BACH2: variants seen among roughly 807,000 people sequenced by gnomAD.
The protein encoded by BACH2 is transcription regulator protein BACH2.
A neutral mutation model predicts 61.8 loss-of-function variants in BACH2; 5 were observed. The observed-to-expected ratio is 0.08, with a 90% CI of 0.04 to 0.17. The LOEUF (loss-of-function observed/expected upper bound fraction) is 0.17. Ranked by LOEUF, BACH2 falls within the 10% of genes least tolerant of loss-of-function variation. The pLI, the probability that BACH2 is intolerant of heterozygous loss-of-function variation, is 1.00. For synonymous variants in BACH2, 446 were observed against 440.1 expected, an observed-to-expected ratio of 1.01 and a Z score of -0.17; for missense variants, 824 against 1,091.1, an observed-to-expected ratio of 0.76 and a Z score of 3.45.
rs528207335 is a variant in BACH2 at position 89,954,303 on chromosome 6, T to C, written c.244-2441A>G. On this transcript the variant is annotated intron_variant, in intron 6 of 8. Transcript: ENST00000257749. ...ATACTGTTCACACAGTTTTTCTTTT[T>C]TTTTTTATTATTATTATGCTTTAAG... Among the ~76,000 whole-genome samples, 417 of 148,380 alleles carry C rather than the reference T, an allele frequency of 2.8e-3. 1 individual carries two copies. The highest frequency in any genetic ancestry group is 5.2e-3 in the Non-Finnish European group (350 of 66,688).
chr6:89,992,245 T>G (rs1391797179), intron 6 of BACH2, among the ~76,000 whole-genome samples: 1 of 152,238 alleles, frequency 6.6e-6, no homozygotes, highest in Non-Finnish European at 1.5e-5. Context: ...GTGTTACAAT[T>G]ATGTATTATT....
At position 89,950,153 on chromosome 6, in the gene BACH2, C is replaced by T. The variant is rs536521418; in HGVS notation, c.1836+117G>A. 1.7e-5 allele frequency: 21 copies of T among 1,223,792 alleles called. No individual in the cohort carries two copies. In the African/African-American group the frequency reaches 3.1e-4, roughly 18 times the overall value. The allele number at this position is 1,223,792 out of a possible 1,614,324, so 75.8% of individuals were successfully genotyped here. On this transcript the variant is annotated intron_variant, in intron 7 of 8. Coordinates refer to ENST00000257749, the MANE Select transcript of BACH2 (RefSeq NM_021813.4). The surrounding 1 kb of genome is among the most constrained non-coding windows in gnomAD (Gnocchi z 5.3). Reference sequence around the variant, plus strand: ...GTGGATGGGGAAGGCAGTCTCTCTACTGTCATCTTTAATCTTAGCACGTAA... The same window carrying T: ...GTGGATGGGGAAGGCAGTCTCTCTATTGTCATCTTTAATCTTAGCACGTAA...
chr6:90,163,681 T>G (rs140965571), intron 4 of BACH2, among the ~76,000 whole-genome samples: 1,689 of 152,318 alleles, frequency 0.011, 35 homozygotes, highest in African/African-American at 0.038. Flanking sequence ...CAGCCAAATT[T>G]TATCCATTCA....
chr6:89,950,262 T>C lies in BACH2; in HGVS notation c.1836+8A>G. Reference sequence around the variant, plus strand: ...GGTCACATGCTTGAATTTATGTGGGTTCCCTACCTCCTGGCCCCTGTCCTG... The same window carrying C: ...GGTCACATGCTTGAATTTATGTGGGCTCCCTACCTCCTGGCCCCTGTCCTG... On this transcript the variant is annotated splice_region_variant and intron_variant, in intron 7 of 8. Coordinates refer to ENST00000257749, the MANE Select transcript of BACH2 (RefSeq NM_021813.4). The surrounding 1 kb of genome is among the most constrained non-coding windows in gnomAD (Gnocchi z 5.3). 6.2e-7 allele frequency: 1 copy of C among 1,613,884 alleles called. No individual in the cohort carries two copies. Among genetic ancestry groups the C allele is most frequent in the Non-Finnish European group, 8.5e-7 (1 of 1,179,930 alleles).
rs571787112 is a variant in BACH2 at position 89,931,502 on chromosome 6, G to A, written c.*906C>T. ...ATATACAGTATACTTGAGTTATACC[G>A]AAGTTACAACTTCATTTAAGAAAAT... On this transcript the variant is annotated 3_prime_UTR_variant, in exon 9 of 9. Coordinates refer to ENST00000257749, the MANE Select transcript of BACH2 (RefSeq NM_021813.4). The A allele has an allele frequency of 1.3e-5, 2 of 152,494 alleles. No individual in the cohort carries two copies. Among genetic ancestry groups the A allele is most frequent in the South Asian group, 2.1e-4 (1 of 4,808 alleles). 9.4% of individuals were successfully genotyped at this position (152,494 alleles called of 1,614,324 possible). A position where few individuals can be genotyped will look rare whatever the true frequency, so the allele number is the denominator to read the frequency against.
chr6:90,252,405 T>C (rs1335996533), intron 3 of BACH2, 108 bp downstream of exon 3: 1 of 152,214 alleles, frequency 6.6e-6, no homozygotes, highest in African/African-American at 2.4e-5. Context: ...TAAACCATTT[T>C]GTTTCTTTTA....
intron 4 of BACH2, among the ~76,000 whole-genome samples, chr6:90,141,488 C>CA (rs1562470338): frequency 1.4e-5 from 2 of 145,800 alleles, no homozygotes; most frequent in African/African-American, 2.6e-5. Flanking sequence ...GCCCCGATCC[C>CA]GTTTTTTTTT....
At chr6:89,991,714 A>ATT (rs563299729) in intron 6 of BACH2, among the ~76,000 whole-genome samples, 8 of 147,390 alleles carry the variant, frequency 5.4e-5, no homozygotes, top group African/African-American at 1.5e-4. Flanking sequence ...TCCTTTATAG[A>ATT]TTTTTTTTTT....
intron 2 of BACH2, among the ~76,000 whole-genome samples, chr6:90,259,607 T>C (rs1771094119): frequency 6.6e-6 from 1 of 152,190 alleles, no homozygotes; most frequent in Non-Finnish European, 1.5e-5. Flanking sequence ...AAAGTATTCC[T>C]TCTAGTTCTA....
chr6:90,204,003 G>A (rs1216128556), intron 4 of BACH2, among the ~76,000 whole-genome samples: 3 of 152,130 alleles, frequency 2.0e-5, no homozygotes, highest in Non-Finnish European at 2.9e-5. Context: ...TTTGTGGCAC[G>A]GGATTTGGGG....
intron 5 of BACH2, among the ~76,000 whole-genome samples, chr6:90,035,678 T>C (rs1779227376): frequency 6.6e-6 from 1 of 152,040 alleles, no homozygotes; most frequent in South Asian, 2.1e-4. Flanking sequence ...AAGATTTCAT[T>C]ACAGCTGGCC....
chr6:89,926,762 T>G lies in BACH2; in HGVS notation c.*5646A>C, dbSNP rs1019934327. On this transcript the variant is annotated 3_prime_UTR_variant, in exon 9 of 9. Transcript: ENST00000257749. ...ATCAACAGCCTTTCATTTTTTACAA[T>G]AAAAACCACGAGAAAAACCACAATC... The G allele has an allele frequency of 6.6e-6, 1 of 152,452 alleles. No individual in the cohort carries two copies. The highest frequency in any genetic ancestry group is 2.4e-5 in the African/African-American group (1 of 41,388). 9.4% of individuals were successfully genotyped at this position (152,452 alleles called of 1,614,324 possible).
intron 1 of BACH2, among the ~76,000 whole-genome samples, chr6:90,290,363 C>T (rs1361882151): frequency 6.6e-6 from 1 of 152,184 alleles, no homozygotes; most frequent in African/African-American, 2.4e-5. Flanking sequence ...AGATGACGTG[C>T]TTCATGAGAC....
intron 6 of BACH2, among the ~76,000 whole-genome samples, chr6:89,982,977 C>T (rs965581913): frequency 6.6e-6 from 1 of 152,140 alleles, no homozygotes. Flanking sequence ...ATTGGAAGAC[C>T]CAGAAACAGA....
At chr6:90,210,113 C>T (rs557682797) in intron 3 of BACH2, among the ~76,000 whole-genome samples, 1 of 152,200 alleles carries the variant, frequency 6.6e-6, no homozygotes, top group East Asian at 1.9e-4. Context: ...TTAATACTCT[C>T]ATTTAATACT....
intron 4 of BACH2, among the ~76,000 whole-genome samples, chr6:90,190,330 A>G (rs185276840): frequency 6.6e-6 from 1 of 152,248 alleles, no homozygotes; most frequent in Admixed American, 6.5e-5. Flanking sequence ...TTAAGCTACC[A>G]TTACAGATAA....
chr6:90,014,283 T>C (rs1490888514), intron 5 of BACH2, among the ~76,000 whole-genome samples: 7 of 150,514 alleles, frequency 4.7e-5, no homozygotes, highest in African/African-American at 7.3e-5. Flanking sequence ...AAAGCTTTTT[T>C]TTTTTTTTCT....
At chr6:90,123,448 T>C (rs1161127794) in intron 4 of BACH2, among the ~76,000 whole-genome samples, 3 of 152,132 alleles carry the variant, frequency 2.0e-5, no homozygotes, top group Non-Finnish European at 4.4e-5. Flanking sequence ...CCTAGGACAC[T>C]AACACTGAAG....
intron 4 of BACH2, among the ~76,000 whole-genome samples, chr6:90,129,459 A>G (rs1784005151): frequency 6.6e-6 from 1 of 151,708 alleles, no homozygotes; most frequent in Non-Finnish European, 1.5e-5. Context: ...TCACCTCCCA[A>G]CAGGCCATGG....
Sources: gnomAD v4.1 joint callset for allele counts (sites outside exome capture counted in the v4.1 genomes callset) on GRCh38, gnomAD v4.1.1 for gene constraint, Gnocchi (gnomAD v3.1) non-coding constraint, MANE v1.5 for transcripts, NCBI Gene and HGNC (gene_info 2026-07-23, HGNC 2026-07-21) for gene names.